Variants in CSMD1 observed in about 807,000 individuals in gnomAD.
The protein encoded by CSMD1 is CUB and sushi domain-containing protein 1.
A neutral mutation model predicts 417.5 loss-of-function variants in CSMD1; 213 were observed. The observed-to-expected ratio is 0.51, with a 90% CI of 0.46 to 0.57. The LOEUF (loss-of-function observed/expected upper bound fraction) is 0.57. Among genes scored for constraint, CSMD1 ranks in the 20% least tolerant of loss-of-function variants. CSMD1 has a pLI of 0.00. For missense variants in CSMD1, 6,923 were observed against 4,529.7 expected (o/e 1.53, Z -15.17); for synonymous variants, 2,862 against 1,736.8 (o/e 1.65, Z -16.11).
chr8:3,197,622 C>A (rs886969180), intron 33 of CSMD1, among the ~76,000 whole-genome samples: 3 of 151,876 alleles, frequency 2.0e-5, no homozygotes, highest in South Asian at 2.1e-4. Context: ...CCCGCCACCA[C>A]GCCCGGCTAA....
intron 3 of CSMD1, among the ~76,000 whole-genome samples, chr8:4,243,900 T>G (rs747797525): frequency 1.3e-5 from 2 of 152,146 alleles, no homozygotes; most frequent in Non-Finnish European, 2.9e-5. Context: ...CATAAACACA[T>G]TAGGTTAGCA....
chr8:4,867,967 T>TTA (rs34881748), intron 1 of CSMD1, among the ~76,000 whole-genome samples: 137,394 of 151,800 alleles, frequency 0.91, 63,327 homozygotes, highest in Non-Finnish European at 0.98. Context: ...CCTTAGATAT[T>TTA]TACACGTTTG....
At chr8:3,062,624 C>T (rs910000113) in intron 49 of CSMD1, among the ~76,000 whole-genome samples, 1 of 149,432 alleles carries the variant, frequency 6.7e-6, no homozygotes, top group Non-Finnish European at 1.5e-5. Flanking sequence ...CGAGAAGTAT[C>T]TTTAGATGTT....
In CSMD1 at chr8:4,805,705, C is replaced by G. The variant is rs772333359; in HGVS notation, c.86-168147G>C. 5.5e-4 allele frequency among the ~76,000 whole-genome samples: 83 copies of G among 152,204 alleles called. No homozygotes were observed. The Middle Eastern group carries it at 0.01, about 19-fold the overall frequency. ...TTTGCATGCAGATGACAGAACAGACCTCATAAAGCATTATATTATAATTTG... is the reference window on the plus strand; with the variant it reads ...TTTGCATGCAGATGACAGAACAGACGTCATAAAGCATTATATTATAATTTG... On this transcript the variant is annotated intron_variant, in intron 1 of 69. Transcript: ENST00000635120.
At chr8:4,324,892 C>T (rs1370012805) in intron 3 of CSMD1, among the ~76,000 whole-genome samples, 1 of 152,258 alleles carries the variant, frequency 6.6e-6, no homozygotes, top group Non-Finnish European at 1.5e-5. Context: ...CCTCAAGGCA[C>T]TCTGAGTCCT....
In CSMD1 at chr8:4,021,077, G is replaced by C. The variant is rs191268618; in HGVS notation, c.610+10828C>G. On this transcript the variant is annotated intron_variant, in intron 4 of 69. Coordinates refer to ENST00000635120, the MANE Select transcript of CSMD1 (RefSeq NM_033225.6). ...CAGCATCAGAGCTCTACAAGCATTAGCAATAATGAGGATAGAGGATACAAC... is the reference window on the plus strand; with the variant it reads ...CAGCATCAGAGCTCTACAAGCATTACCAATAATGAGGATAGAGGATACAAC... 2.1e-3 allele frequency among the ~76,000 whole-genome samples: 319 copies of C among 152,298 alleles called. 2 individuals are homozygous for C. The highest frequency in any genetic ancestry group is 4.5e-3 in the African/African-American group (185 of 41,566).
intron 51 of CSMD1, among the ~76,000 whole-genome samples, chr8:3,023,040 C>T (rs1809570282): frequency 2.6e-5 from 4 of 152,208 alleles, no homozygotes; most frequent in Admixed American, 2.6e-4. Flanking sequence ...AATTCAACTG[C>T]AGGTAGTCCT....
intron 39 of CSMD1, among the ~76,000 whole-genome samples, chr8:3,155,908 C>T (rs991593573): frequency 6.6e-6 from 1 of 152,126 alleles, no homozygotes; most frequent in Admixed American, 6.5e-5. Flanking sequence ...GTTTTATTTT[C>T]CTCTGTACAC....
At chr8:3,907,386 T>C (rs767740172) in intron 5 of CSMD1, among the ~76,000 whole-genome samples, 44 of 152,192 alleles carry the variant, frequency 2.9e-4, no homozygotes, top group Admixed American at 5.2e-4. Context: ...ATTATCTAAA[T>C]GGGGTAATTT....
chr8:3,033,342 A>G (rs931744433), intron 50 of CSMD1, among the ~76,000 whole-genome samples: 6 of 152,134 alleles, frequency 3.9e-5, no homozygotes, highest in African/African-American at 1.4e-4. Context: ...TAAGACACCA[A>G]TTGATGCTAC....
intron 2 of CSMD1, among the ~76,000 whole-genome samples, chr8:4,622,688 G>A (rs1801852566): frequency 1.3e-5 from 2 of 152,138 alleles, no homozygotes; most frequent in Admixed American, 6.6e-5. Context: ...TGTGGATGAT[G>A]ATGACAGAAT....
chr8:3,023,302 A>T (rs1401419737), intron 51 of CSMD1, among the ~76,000 whole-genome samples: 1 of 152,186 alleles, frequency 6.6e-6, no homozygotes, highest in East Asian at 1.9e-4. Context: ...TCACTGAGTC[A>T]GTGTGTGTGT....
chr8:3,072,319 A>G (rs1261749959), intron 49 of CSMD1, among the ~76,000 whole-genome samples: 1 of 152,236 alleles, frequency 6.6e-6, no homozygotes, highest in Non-Finnish European at 1.5e-5. Flanking sequence ...ACCAATCCAC[A>G]AAACAAATGC....
chr8:3,183,609 C>G (rs1201023339), intron 36 of CSMD1, among the ~76,000 whole-genome samples: 3 of 150,464 alleles, frequency 2.0e-5, no homozygotes, highest in Non-Finnish European at 3.0e-5. Flanking sequence ...GAGTAGGTCT[C>G]TAATGTTTCT....
chr8:3,795,116 A>ATATC (rs1554439936), intron 5 of CSMD1, among the ~76,000 whole-genome samples: 1 of 71,230 alleles, frequency 1.4e-5, no homozygotes, highest in African/African-American at 5.6e-5. Context: ...ACAGCTATAG[A>ATATC]TATCTATCAT....
intron 3 of CSMD1, among the ~76,000 whole-genome samples, chr8:4,224,191 A>T (rs948707212): frequency 6.6e-6 from 1 of 151,346 alleles, no homozygotes; most frequent in Non-Finnish European, 1.5e-5. Context: ...AGTGAAAGTT[A>T]TGCAAAGCGT....
chr8:4,254,747 T>G (rs1175158742), intron 3 of CSMD1, among the ~76,000 whole-genome samples: 1 of 152,122 alleles, frequency 6.6e-6, no homozygotes, highest in Non-Finnish European at 1.5e-5. Context: ...ATCTGCAAAG[T>G]CTTACCATTG....
At chr8:4,460,804 T>C (rs530591939) in intron 2 of CSMD1, among the ~76,000 whole-genome samples, 1 of 152,246 alleles carries the variant, frequency 6.6e-6, no homozygotes, top group South Asian at 2.1e-4. Flanking sequence ...TAAAGAAAAT[T>C]CCAGGCTCAA....
Position 4,618,647 on chromosome 8 carries a change from T to G in CSMD1, c.302+18695A>C, listed in dbSNP as rs142037115. Among the ~76,000 whole-genome samples the G allele has an allele frequency of 1.1e-4, 16 of 152,270 alleles. No individual in the cohort carries two copies. In the East Asian group the frequency reaches 3.1e-3, roughly 29 times the overall value. On this transcript the variant is annotated intron_variant, in intron 2 of 69. Transcript: ENST00000635120. ...TGAAATGAATGCCTTGGGAAACCGT[T>G]AAATTATTGACTGGATTTCAATCAA... is the stretch of plus-strand genomic sequence containing the variant.
Sources: allele counts gnomAD v4.1 joint callset (sites outside exome capture counted in the v4.1 genomes callset), GRCh38; gene constraint gnomAD v4.1.1; transcripts MANE v1.5; gene names NCBI Gene and HGNC (gene_info 2026-07-23, HGNC 2026-07-21).